The following ALKBH8 variants were observed in gnomAD, a reference collection of about 807,000 sequenced individuals.
ALKBH8 encodes tRNA (carboxymethyluridine(34)-5-O)-methyltransferase ALKBH8.
In ALKBH8, 36 loss-of-function variants were observed where a neutral mutation model predicts 59.8. The ratio of observed to expected loss-of-function variants is 0.60; its 90% confidence interval spans 0.46 to 0.79. The LOEUF (loss-of-function observed/expected upper bound fraction) is 0.79, where lower values mean the gene tolerates loss of function less well. Ranked by LOEUF, ALKBH8 falls within the 30% of genes least tolerant of loss-of-function variation. ALKBH8 has a pLI of 0.00. For missense variants in ALKBH8, 768 were observed against 801.0 expected, an observed-to-expected ratio of 0.96 and a Z score of 0.50; for synonymous variants, 276 against 273.6, an observed-to-expected ratio of 1.01 and a Z score of -0.09.
chr11:107,526,154 C>T (rs558654471), intron 8 of ALKBH8, among the ~76,000 whole-genome samples: 94 of 151,902 alleles, frequency 6.2e-4, no homozygotes, highest in African/African-American at 2.2e-3. Flanking sequence ...CAGGTAATAA[C>T]GAGTGAAATT....
intron 8 of ALKBH8, among the ~76,000 whole-genome samples, chr11:107,531,855 A>G (rs1468884499): frequency 1.3e-5 from 2 of 152,188 alleles, no homozygotes; most frequent in African/African-American, 4.8e-5. Flanking sequence ...CTGTACAAAA[A>G]CAGCCTGAGA....
chr11:107,527,669 G>A (rs1863409677), intron 8 of ALKBH8, among the ~76,000 whole-genome samples: 1 of 151,734 alleles, frequency 6.6e-6, no homozygotes, highest in South Asian at 2.1e-4. Context: ...TCTAAATATT[G>A]ACCTTGTATG....
intron 9 of ALKBH8, among the ~76,000 whole-genome samples, chr11:107,524,522 T>C (rs1049858838): frequency 6.6e-6 from 1 of 152,238 alleles, no homozygotes; most frequent in African/African-American, 2.4e-5. Flanking sequence ...TGCTTTATTT[T>C]TCTATACCAT....
In ALKBH8 at chr11:107,504,839, C is replaced by A. The variant is rs775464941; in HGVS notation, c.1814G>T (p.Gly605Val). 6.4e-7 allele frequency: 1 copy of A among 1,551,582 alleles called. No homozygotes were observed. The highest frequency in any genetic ancestry group is 2.0e-5 in the Admixed American group (1 of 50,952). ...PWHLKGNPDKGKPVEPFGPIG... is the reference protein window; with the variant it reads ...PWHLKGNPDKVKPVEPFGPIG... ...GGGACCAAATGGCTCAACAGGTTTG[C>A]CTTTATCAGGATTTCCCTTAAGGTG... The change falls in exon 12 of 12, where the codon GGC becomes GTC. Residue 605 changes from glycine (G) to valine (V), a missense_variant. Coordinates refer to ENST00000428149, the MANE Select transcript of ALKBH8 (RefSeq NM_138775.3).
intron 10 of ALKBH8, among the ~76,000 whole-genome samples, chr11:107,521,306 A>G (rs1465471660): frequency 1.3e-5 from 2 of 152,222 alleles, no homozygotes; most frequent in Admixed American, 1.3e-4. Flanking sequence ...GAAGAATGGT[A>G]TATCACTTTT....
At chr11:107,559,247 G>T (rs1864840301) in intron 2 of ALKBH8, among the ~76,000 whole-genome samples, 1 of 152,154 alleles carries the variant, frequency 6.6e-6, no homozygotes, top group Non-Finnish European at 1.5e-5. Flanking sequence ...CCAGTCTCGG[G>T]TATGTCTTTA....
chr11:107,521,854 T>C (rs1022704851), intron 10 of ALKBH8, among the ~76,000 whole-genome samples: 2 of 152,140 alleles, frequency 1.3e-5, no homozygotes, highest in East Asian at 1.9e-4. Flanking sequence ...GTAGAAGATA[T>C]AGGTTCAAGT....
chr11:107,527,411 C>T (rs999087203), intron 8 of ALKBH8, among the ~76,000 whole-genome samples: 3 of 151,804 alleles, frequency 2.0e-5, no homozygotes, highest in Non-Finnish European at 2.9e-5. Flanking sequence ...GCCAGGTGAT[C>T]TAGAAAGAGA....
intron 8 of ALKBH8, among the ~76,000 whole-genome samples, chr11:107,531,535 A>C (rs533293458): frequency 9.2e-5 from 14 of 152,358 alleles, no homozygotes; most frequent in Non-Finnish European, 1.5e-4. Context: ...CAAGACTTAA[A>C]CATAATGTGG....
At chr11:107,552,975 A>T in intron 5 of ALKBH8, 133 bp downstream of exon 5, 1 of 574,708 alleles carries the variant, frequency 1.7e-6, no homozygotes, top group Non-Finnish European at 2.9e-6. Flanking sequence ...TTATCTAATT[A>T]AAGTGTTTTA....
chr11:107,512,576 G>A (rs1862681961), intron 10 of ALKBH8, among the ~76,000 whole-genome samples: 1 of 152,136 alleles, frequency 6.6e-6, no homozygotes, highest in South Asian at 2.1e-4. Flanking sequence ...GCCTCCCAAA[G>A]TGCTGGGATT....
At chr11:107,533,894 C>A (rs554799762) in intron 7 of ALKBH8, among the ~76,000 whole-genome samples, 1 of 152,020 alleles carries the variant, frequency 6.6e-6, no homozygotes, top group East Asian at 1.9e-4. Context: ...TTTGGGAGGC[C>A]GAGGTGGGCA....
At chr11:107,540,635 G>A (rs1270806855) in intron 7 of ALKBH8, among the ~76,000 whole-genome samples, 1 of 152,136 alleles carries the variant, frequency 6.6e-6, no homozygotes, top group African/African-American at 2.4e-5. Flanking sequence ...TTTACACTGA[G>A]ACCACTTGCT....
In ALKBH8 at chr11:107,553,218, C is replaced by A; in HGVS notation, c.500-15G>T. ...GGATTTTTGAGCTGTGTGAAGAGAA[C>A]AAAGTAAACAATTAAGAAGGAAAAG... On this transcript the variant is annotated splice_polypyrimidine_tract_variant and intron_variant, in intron 4 of 11. Coordinates refer to ENST00000428149, the MANE Select transcript of ALKBH8 (RefSeq NM_138775.3). The A allele has an allele frequency of 6.7e-7, 1 of 1,488,568 alleles. No homozygotes were observed. The highest frequency in any genetic ancestry group is 9.2e-7 in the Non-Finnish European group (1 of 1,089,600). 92.2% of individuals were successfully genotyped at this position (1,488,568 alleles called of 1,614,324 possible).
intron 7 of ALKBH8, among the ~76,000 whole-genome samples, chr11:107,540,865 A>G (rs1469671841): frequency 6.6e-6 from 1 of 152,238 alleles, no homozygotes; most frequent in Non-Finnish European, 1.5e-5. Context: ...TCTGTCTAGT[A>G]AATTATATTC....
intron 8 of ALKBH8, among the ~76,000 whole-genome samples, chr11:107,528,995 G>A (rs1863465636): frequency 6.6e-6 from 1 of 152,128 alleles, no homozygotes; most frequent in Non-Finnish European, 1.5e-5. Flanking sequence ...TATGTTAACA[G>A]ATACAGGGCT....
intron 6 of ALKBH8, among the ~76,000 whole-genome samples, chr11:107,551,564 T>C (rs949772207): frequency 2.6e-5 from 4 of 151,618 alleles, no homozygotes; most frequent in African/African-American, 7.3e-5. Context: ...CATGATGGTG[T>C]GCGCCTGTAA....
intron 7 of ALKBH8, among the ~76,000 whole-genome samples, chr11:107,540,668 T>C (rs1386923031): frequency 6.6e-6 from 1 of 152,196 alleles, no homozygotes. Flanking sequence ...TTATATACCA[T>C]GGCTTCATTT....
rs544729543 is a variant in ALKBH8, at chr11:107,551,702, A to T, written c.700+106T>A. 2.0e-3 allele frequency: 736 copies of T among 376,740 alleles called. 5 individuals carry two copies. The highest frequency in any genetic ancestry group is 5.1e-3 in the South Asian group (79 of 15,628). 23.3% of individuals were successfully genotyped at this position (376,740 alleles called of 1,614,324 possible). A position where few individuals can be genotyped will look rare whatever the true frequency, so the allele number is the denominator to read the frequency against. ...AGAGCGAAACTCCATCTCAAAAAAA[A>T]AAAAATAATAATAATAATAATAATA... On this transcript the variant is annotated intron_variant, in intron 6 of 11. Coordinates refer to ENST00000428149, the MANE Select transcript of ALKBH8 (RefSeq NM_138775.3).
Sources: allele counts gnomAD v4.1 joint callset (sites outside exome capture counted in the v4.1 genomes callset), GRCh38; gene constraint gnomAD v4.1.1; transcripts MANE v1.5; gene names NCBI Gene and HGNC (gene_info 2026-07-23, HGNC 2026-07-21).